Variants in ZCCHC7 observed in about 807,000 individuals in gnomAD.
ZCCHC7 encodes the protein zinc finger CCHC-type containing 7, also known as zinc finger CCHC domain-containing protein 7.
In ZCCHC7, 35 loss-of-function variants were observed where a neutral mutation model predicts 52.0. The observed-to-expected ratio is 0.67, with a 90% CI of 0.51 to 0.89. The LOEUF is 0.89. ZCCHC7 is among the 40% of genes least tolerant of loss of function. The pLI, the probability that ZCCHC7 is intolerant of heterozygous loss-of-function variation, is 0.00. For synonymous variants in ZCCHC7, 217 were observed against 221.5 expected, an observed-to-expected ratio of 0.98 and a Z score of 0.18; for missense variants, 574 against 649.1, an observed-to-expected ratio of 0.88 and a Z score of 1.26.
At chr9:37,212,730 C>T (rs1010826727) in intron 2 of ZCCHC7, among the ~76,000 whole-genome samples, 7 of 152,140 alleles carry the variant, frequency 4.6e-5, no homozygotes, top group Admixed American at 1.3e-4. Flanking sequence ...TAATACTTTT[C>T]TTCCTCTTCT....
chr9:37,130,689 G>A (rs543635487), intron 2 of ZCCHC7, among the ~76,000 whole-genome samples: 5 of 151,380 alleles, frequency 3.3e-5, no homozygotes, highest in South Asian at 4.2e-4. Flanking sequence ...GTAGAGACGG[G>A]GTTTCGCAGT....
intron 1 of ZCCHC7, among the ~76,000 whole-genome samples, chr9:37,125,407 C>T (rs1244589671): frequency 6.6e-6 from 1 of 152,226 alleles, no homozygotes; most frequent in Non-Finnish European, 1.5e-5. Flanking sequence ...GATCCTCCTG[C>T]CTTGGCCTCC....
intron 2 of ZCCHC7, among the ~76,000 whole-genome samples, chr9:37,278,691 TATAA>T (rs1292972107): frequency 6.6e-6 from 1 of 152,164 alleles, no homozygotes; most frequent in Admixed American, 6.5e-5. Context: ...ATAAAAATCT[TATAA>T]ATAGTAACAG....
intron 6 of ZCCHC7, among the ~76,000 whole-genome samples, chr9:37,342,331 G>A (rs1029913893): frequency 6.6e-6 from 1 of 152,124 alleles, no homozygotes; most frequent in African/African-American, 2.4e-5. Flanking sequence ...TGGGGTGGGG[G>A]AAGAACAGGA....
At chr9:37,353,435 A>C (rs2118676563) in intron 7 of ZCCHC7, among the ~76,000 whole-genome samples, 1 of 152,320 alleles carries the variant, frequency 6.6e-6, no homozygotes, top group East Asian at 1.9e-4. Context: ...CTTAAAACTT[A>C]CATCACTGTT....
At chr9:37,264,983 T>C (rs943293478) in intron 2 of ZCCHC7, among the ~76,000 whole-genome samples, 1 of 152,218 alleles carries the variant, frequency 6.6e-6, no homozygotes, top group Non-Finnish European at 1.5e-5. Context: ...TCTGAATTTA[T>C]GTATGTGTGT....
At chr9:37,344,410 C>CTGG (rs1260513139) in intron 6 of ZCCHC7, among the ~76,000 whole-genome samples, 1 of 152,210 alleles carries the variant, frequency 6.6e-6, no homozygotes, top group East Asian at 1.9e-4. Flanking sequence ...CCTAAGTGAT[C>CTGG]TGGTCCCTCC....
At chr9:37,323,972 A>G (rs111525135) in intron 5 of ZCCHC7, among the ~76,000 whole-genome samples, 165 of 152,268 alleles carry the variant, frequency 1.1e-3, no homozygotes, top group Non-Finnish European at 1.9e-3. Flanking sequence ...ACCTAAACTT[A>G]TATTTGTGTG....
At chr9:37,349,520 C>A in intron 7 of ZCCHC7, 68 bp downstream of exon 7, 2 of 1,411,992 alleles carry the variant, frequency 1.4e-6, no homozygotes, top group Admixed American at 1.9e-5. Context: ...AAGATGAACT[C>A]AAAAAGAATG....
Position 37,120,613 on chromosome 9 carries a change from C to T in ZCCHC7, c.-32C>T, listed in dbSNP as rs1382586726. On this transcript the variant is annotated 5_prime_UTR_variant, in exon 1 of 9. Transcript: ENST00000336755. ...GTTCCCGGTTGGTGCTTCCTGTTCG[C>T]AGCTGCGGCAGTGAGTATGTGTGTG... 3 of 398,172 alleles carry T rather than the reference C, an allele frequency of 7.5e-6. No homozygotes were observed. The highest frequency in any genetic ancestry group is 1.3e-5 in the Non-Finnish European group (3 of 225,600). The allele number at this position is 398,172 out of a possible 1,614,324, so 24.7% of individuals were successfully genotyped here. A position where few individuals can be genotyped will look rare whatever the true frequency, so the allele number is the denominator to read the frequency against.
In ZCCHC7 at chr9:37,132,302, G is replaced by T. The variant is rs150100089; in HGVS notation, c.610+5360G>T. Among the ~76,000 whole-genome samples the T allele has an allele frequency of 1.9e-4, 29 of 152,288 alleles. 1 individual carries two copies. In the East Asian group the frequency reaches 3.3e-3, roughly 17 times the overall value. On this transcript the variant is annotated intron_variant, in intron 2 of 8. Coordinates refer to ENST00000336755, the MANE Select transcript of ZCCHC7 (RefSeq NM_032226.3). ...ATAGCTACTTATTTTCCTGGTTAGG[G>T]AAGGGATATTACTAGTTCTAGGAGT...
intron 2 of ZCCHC7, among the ~76,000 whole-genome samples, chr9:37,251,598 G>A (rs1826332004): frequency 6.6e-6 from 1 of 152,206 alleles, no homozygotes; most frequent in Admixed American, 6.5e-5. Context: ...AATAGGAGAA[G>A]TCAACAGGGA....
intron 2 of ZCCHC7, among the ~76,000 whole-genome samples, chr9:37,293,222 G>T (rs1828620018): frequency 6.6e-6 from 1 of 152,128 alleles, no homozygotes; most frequent in Non-Finnish European, 1.5e-5. Context: ...TCTGGAGGAA[G>T]ATGTGAAGCA....
intron 6 of ZCCHC7, among the ~76,000 whole-genome samples, chr9:37,345,686 C>T (rs1004926926): frequency 4.7e-5 from 7 of 150,394 alleles, no homozygotes; most frequent in African/African-American, 1.5e-4. Context: ...TGCCACTGTG[C>T]TGCAGCCTGA....
intron 2 of ZCCHC7, among the ~76,000 whole-genome samples, chr9:37,146,799 G>T (rs910620939): frequency 6.6e-6 from 1 of 151,832 alleles, no homozygotes; most frequent in Non-Finnish European, 1.5e-5. Flanking sequence ...TGACTTCAGT[G>T]GAAGCTGAAA....
At chr9:37,336,812 C>T (rs954343577) in intron 6 of ZCCHC7, among the ~76,000 whole-genome samples, 1 of 152,104 alleles carries the variant, frequency 6.6e-6, no homozygotes, top group Admixed American at 6.6e-5. Context: ...GTCCCTTCCC[C>T]CTACATCCTG....
chr9:37,349,448 G>A lies in ZCCHC7; in HGVS notation c.1079G>A (p.Gly360Glu), dbSNP rs774352888. The A allele has an allele frequency of 3.1e-6, 5 of 1,613,624 alleles. No individual in the cohort carries two copies. In the Admixed American group the frequency reaches 8.3e-5, roughly 27 times the overall value. ...CYHCAQKGHY[G>E]HECPEREVYD... ...CACTGCGCGCAAAAAGGCCATTATGGACACGTAAGTTTGAGTGACATTTGG... is the reference window on the plus strand; with the variant it reads ...CACTGCGCGCAAAAAGGCCATTATGAACACGTAAGTTTGAGTGACATTTGG... Residue 360 changes from glycine to glutamate, a missense_variant, in exon 7 of 9, where the codon GGA becomes GAA. By Grantham distance (98) the Gly-to-Glu change is moderately conservative (BLOSUM62 -2). Transcript: ENST00000336755.
chr9:37,239,138 AT>A (rs34728292), intron 2 of ZCCHC7, among the ~76,000 whole-genome samples: 12 of 152,216 alleles, frequency 7.9e-5, no homozygotes, highest in Admixed American at 2.6e-4. Context: ...ATTTAAGTAT[AT>A]TTTTTCCTAG....
intron 2 of ZCCHC7, among the ~76,000 whole-genome samples, chr9:37,220,996 G>A (rs1364951666): frequency 1.3e-5 from 2 of 152,178 alleles, no homozygotes; most frequent in South Asian, 4.1e-4. Context: ...TCTTCAAGCA[G>A]AATGTTGCTA....
Sources: gnomAD v4.1 joint callset for allele counts (sites outside exome capture counted in the v4.1 genomes callset) on GRCh38, gnomAD v4.1.1 for gene constraint, MANE v1.5 for transcripts, NCBI Gene and HGNC (gene_info 2026-07-23, HGNC 2026-07-21) for gene names.